The following APBB1IP variants were observed in gnomAD, a reference collection of about 807,000 sequenced individuals.
APBB1IP encodes amyloid beta A4 precursor protein-binding family B member 1-interacting protein.
Under a neutral mutation model 64.9 loss-of-function variants are expected in APBB1IP, and 27 were observed. The ratio of observed to expected loss-of-function variants is 0.42; its 90% confidence interval spans 0.31 to 0.57. APBB1IP has a LOEUF of 0.57. APBB1IP is among the 20% of genes least tolerant of loss of function. The pLI is 0.20. For synonymous variants in APBB1IP, 392 were observed against 331.0 expected (o/e 1.18, Z -2.00); for missense variants, 812 against 845.5 (o/e 0.96, Z 0.49).
Position 26,513,521 on chromosome 10 carries a change from C to G in APBB1IP, c.692-18C>G. On this transcript the variant is annotated intron_variant, in intron 7 of 14. Coordinates refer to ENST00000376236, the MANE Select transcript of APBB1IP (RefSeq NM_019043.4). ...TGATGTCTTGGGTCTGAAAGAATAC[C>G]TTTTCTTATTTCATCAGAGAGGTTT... 1.9e-6 allele frequency: 3 copies of G among 1,611,500 alleles called. No homozygotes were observed. Among genetic ancestry groups the G allele is most frequent in the Non-Finnish European group, 2.5e-6 (3 of 1,179,398 alleles).
chr10:26,520,562 T>C (rs1023140748), intron 8 of APBB1IP, among the ~76,000 whole-genome samples: 2 of 152,204 alleles, frequency 1.3e-5, no homozygotes, highest in African/African-American at 2.4e-5. Flanking sequence ...AGAAAGTGAA[T>C]GCAGAGGGAG....
intron 2 of APBB1IP, among the ~76,000 whole-genome samples, chr10:26,480,877 C>T (rs967891954): frequency 1.3e-5 from 2 of 152,056 alleles, no homozygotes; most frequent in African/African-American, 4.8e-5. Flanking sequence ...ATTGACCTAA[C>T]TATTCACAGG....
At chr10:26,490,836 A>G (rs1835946386) in intron 2 of APBB1IP, among the ~76,000 whole-genome samples, 1 of 152,218 alleles carries the variant, frequency 6.6e-6, no homozygotes, top group African/African-American at 2.4e-5. Flanking sequence ...TTCCATATAA[A>G]AAGAATGAGA....
chr10:26,488,239 GA>G (rs1835916314), intron 2 of APBB1IP, among the ~76,000 whole-genome samples: 1 of 139,558 alleles, frequency 7.2e-6, no homozygotes, highest in African/African-American at 3.1e-5. Flanking sequence ...CATTTTGTAG[GA>G]ATTTTTTTTT....
intron 5 of APBB1IP, 107 bp from the exon 6 acceptor site, chr10:26,503,090 G>T: frequency 3.0e-6 from 3 of 997,768 alleles, no homozygotes; most frequent in Non-Finnish European, 4.4e-6. Flanking sequence ...GTGAAATTTG[G>T]TACCTTTTGT....
chr10:26,530,570 A>G (rs1405062432), intron 8 of APBB1IP, among the ~76,000 whole-genome samples: 2 of 151,780 alleles, frequency 1.3e-5, no homozygotes, highest in Non-Finnish European at 2.9e-5. Flanking sequence ...CGTGCCTGTA[A>G]TCCCAGCTAC....
intron 1 of APBB1IP, 75 bp from the exon 2 acceptor site, chr10:26,438,577 G>A (rs1409010880): frequency 6.6e-6 from 1 of 152,268 alleles, no homozygotes; most frequent in Non-Finnish European, 1.5e-5. Context: ...GCGCAGACTC[G>A]ATGAGTTGGA....
At chr10:26,477,661 C>T (rs1285139969) in intron 2 of APBB1IP, among the ~76,000 whole-genome samples, 1 of 152,236 alleles carries the variant, frequency 6.6e-6, no homozygotes, top group Non-Finnish European at 1.5e-5. Context: ...AGGCACTATG[C>T]TTAGCAACAA....
rs1015374728 is a variant in APBB1IP at position 26,503,109 on chromosome 10, C to T, written c.454-88C>T. 2.9e-5 allele frequency: 36 copies of T among 1,242,662 alleles called. 1 individual carries two copies. The highest frequency in any genetic ancestry group is 2.0e-4 in the Middle Eastern group (1 of 5,126). The allele number at this position is 1,242,662 out of a possible 1,614,324, so 77.0% of individuals were successfully genotyped here. A position where few individuals can be genotyped will look rare whatever the true frequency, so the allele number is the denominator to read the frequency against. ...AATTTGGTACCTTTTGTTAATACAA[C>T]GTAGCTGAGACACTAGCAATGACAG... On this transcript the variant is annotated intron_variant, in intron 5 of 14. Coordinates refer to ENST00000376236, the MANE Select transcript of APBB1IP (RefSeq NM_019043.4).
chr10:26,511,353 A>G (rs1204109942), intron 6 of APBB1IP, among the ~76,000 whole-genome samples: 2 of 152,178 alleles, frequency 1.3e-5, no homozygotes, highest in Non-Finnish European at 2.9e-5. Flanking sequence ...CAAAATAATA[A>G]TAATAATAAA....
intron 6 of APBB1IP, among the ~76,000 whole-genome samples, chr10:26,507,397 T>C (rs888275070): frequency 6.6e-6 from 1 of 152,204 alleles, no homozygotes; most frequent in African/African-American, 2.4e-5. Context: ...TACAGGTGGC[T>C]GAGGCGGGAG....
intron 11 of APBB1IP, among the ~76,000 whole-genome samples, chr10:26,551,023 G>T (rs1836823878): frequency 6.6e-6 from 1 of 152,236 alleles, no homozygotes; most frequent in South Asian, 2.1e-4. Context: ...GAGACCCACA[G>T]AGGGCCCACT....
intron 6 of APBB1IP, among the ~76,000 whole-genome samples, chr10:26,510,696 A>C (rs901702897): frequency 6.7e-6 from 1 of 150,254 alleles, no homozygotes; most frequent in South Asian, 2.1e-4. Context: ...AGATGACACC[A>C]CTGCACTCCA....
intron 3 of APBB1IP, among the ~76,000 whole-genome samples, chr10:26,493,505 C>T (rs755016057): frequency 2.6e-5 from 4 of 152,168 alleles, no homozygotes; most frequent in Non-Finnish European, 4.4e-5. Context: ...TCCATGAAAT[C>T]TTCGCAATTT....
At chr10:26,501,144 T>A (rs368137142) in intron 5 of APBB1IP, 33 bp downstream of exon 5, 62 of 1,613,366 alleles carry the variant, frequency 3.8e-5, no homozygotes, top group Non-Finnish European at 1.4e-5. Context: ...GGCAGGACCA[T>A]CAACCTCTGC....
chr10:26,562,311 C>T lies in APBB1IP; in HGVS notation c.1370-15C>T. 1 of 1,592,764 alleles carries T rather than the reference C, an allele frequency of 6.3e-7. No homozygotes were observed. The highest frequency in any genetic ancestry group is 8.6e-7 in the Non-Finnish European group (1 of 1,161,346). ...TGCTTTGCTCACTCTTCTTTTCTCA[C>T]TTCTTCCCTCTCAGGACCTAAAACA... On this transcript the variant is annotated splice_polypyrimidine_tract_variant and intron_variant, in intron 13 of 14. Coordinates refer to ENST00000376236, the MANE Select transcript of APBB1IP (RefSeq NM_019043.4).
At position 26,567,141 on chromosome 10, in the gene APBB1IP, G is replaced by A. The variant is rs1837057689; in HGVS notation, c.1654G>A (p.Asp552Asn). The change falls in exon 15 of 15, where the codon GAC becomes AAC. Residue 552 changes from aspartate (D) to asparagine (N), a missense_variant. This residue lies in a region of APBB1IP where 381 missense variants were observed against 352.1 expected (regional missense o/e 1.08). Coordinates refer to ENST00000376236, the MANE Select transcript of APBB1IP (RefSeq NM_019043.4). ...GGGGLPAPPD[D>N]FLPPPPPPPP... ...CGGGGGCTTGCCCGCCCCACCCGACGACTTCCTGCCGCCGCCGCCACCGCC... is the reference window on the plus strand; with the variant it reads ...CGGGGGCTTGCCCGCCCCACCCGACAACTTCCTGCCGCCGCCGCCACCGCC... 7.0e-7 allele frequency: 1 copy of A among 1,419,806 alleles called. No individual in the cohort carries two copies. Among genetic ancestry groups the A allele is most frequent in the Non-Finnish European group, 9.1e-7 (1 of 1,096,394 alleles). 88.0% of individuals were successfully genotyped at this position (1,419,806 alleles called of 1,614,324 possible).
intron 10 of APBB1IP, among the ~76,000 whole-genome samples, chr10:26,537,828 G>A (rs1836646655): frequency 6.6e-6 from 1 of 152,022 alleles, no homozygotes; most frequent in African/African-American, 2.4e-5. Flanking sequence ...CAGTAGCTGG[G>A]GAGGGTGAGG....
At chr10:26,563,352 T>TA (rs890691429) in intron 14 of APBB1IP, among the ~76,000 whole-genome samples, 12 of 151,684 alleles carry the variant, frequency 7.9e-5, no homozygotes, top group Non-Finnish European at 1.6e-4. Context: ...GACCCTGTCT[T>TA]AAAAAAAAGA....
Sources: allele counts gnomAD v4.1 joint callset (sites outside exome capture counted in the v4.1 genomes callset), GRCh38; gene constraint gnomAD v4.1.1; regional missense constraint gnomAD v4.1.1; transcripts MANE v1.5; gene names NCBI Gene and HGNC (gene_info 2026-07-23, HGNC 2026-07-21).